Variants in MYO5A observed in about 807,000 individuals in gnomAD.
The protein encoded by MYO5A is myosin VA.
A neutral mutation model predicts 249.7 loss-of-function variants in MYO5A; 98 were observed. The observed-to-expected ratio is 0.39, with a 90% CI of 0.33 to 0.46. MYO5A has a LOEUF of 0.46. Ranked by LOEUF, MYO5A falls within the 20% of genes least tolerant of loss-of-function variation. MYO5A has a pLI of 0.98. For missense variants in MYO5A, 1,696 were observed against 2,308.8 expected, an observed-to-expected ratio of 0.73 and a Z score of 5.44; for synonymous variants, 778 against 810.6, an observed-to-expected ratio of 0.96 and a Z score of 0.68.
At chr15:52,338,671 A>T (rs1770618026) in intron 32 of MYO5A, among the ~76,000 whole-genome samples, 1 of 152,194 alleles carries the variant, frequency 6.6e-6, no homozygotes, top group Non-Finnish European at 1.5e-5. Flanking sequence ...CCCAAACTCA[A>T]ATTCATTAAC....
chr15:52,457,508 A>C (rs915939335), intron 1 of MYO5A, among the ~76,000 whole-genome samples: 1 of 152,184 alleles, frequency 6.6e-6, no homozygotes, highest in South Asian at 2.1e-4. Context: ...TATATGACAA[A>C]ATGCTCAACA....
At chr15:52,445,149 T>C (rs1314452883) in intron 1 of MYO5A, among the ~76,000 whole-genome samples, 1 of 152,198 alleles carries the variant, frequency 6.6e-6, no homozygotes, top group Non-Finnish European at 1.5e-5. Context: ...AGGTGAGGCC[T>C]GGTGGGAGGT....
At chr15:52,332,495 A>G (rs1157815412) in intron 34 of MYO5A, among the ~76,000 whole-genome samples, 1 of 152,272 alleles carries the variant, frequency 6.6e-6, no homozygotes, top group Admixed American at 6.5e-5. Context: ...TCTAACCAGG[A>G]TATTTTTGGT....
chr15:52,450,849 T>TG (rs60176045), intron 1 of MYO5A, among the ~76,000 whole-genome samples: 40,560 of 143,512 alleles, frequency 0.28, 7,290 homozygotes, highest in East Asian at 0.69. Flanking sequence ...TGTGGTTTTT[T>TG]TTTTTTTTTT....
rs529551880 is a variant in MYO5A at position 52,332,321 on chromosome 15, A to G, written c.4409-1822T>C. 2.6e-4 allele frequency among the ~76,000 whole-genome samples: 40 copies of G among 152,342 alleles called. No homozygotes were observed. In the South Asian group the frequency reaches 8.3e-3, roughly 32 times the overall value. Reference sequence around the variant, plus strand: ...CAGTATTTTATGTAACACTAAAAAAATTGCCAACTAAACTATAACCCATCA... The same window carrying G: ...CAGTATTTTATGTAACACTAAAAAAGTTGCCAACTAAACTATAACCCATCA... On this transcript the variant is annotated intron_variant, in intron 34 of 41. Coordinates refer to ENST00000399233, the MANE Select transcript of MYO5A (RefSeq NM_001382347.1).
rs1358350374 is a variant in MYO5A, at chr15:52,317,201, T to C, written c.5256A>G (p.Glu1752=). 6.2e-6 allele frequency: 10 copies of C among 1,614,048 alleles called. No individual in the cohort carries two copies. Among genetic ancestry groups the C allele is most frequent in the Non-Finnish European group, 8.5e-6 (10 of 1,180,014 alleles). ...TCAGATTCTTGTCACGCAGCCATTC[T>C]TCCAGTTGACTGACATTGTACCTAT... ...MQIRYNVSQL[E]EWLRDKNLMN... Residue 1752 remains glutamate, a synonymous_variant, in exon 40 of 42, where the codon GAA becomes GAG. Coordinates refer to ENST00000399233, the MANE Select transcript of MYO5A (RefSeq NM_001382347.1).
intron 24 of MYO5A, among the ~76,000 whole-genome samples, chr15:52,362,826 G>A (rs1044642795): frequency 2.6e-5 from 4 of 152,134 alleles, no homozygotes; most frequent in Admixed American, 6.5e-5. Flanking sequence ...CCACCTCCTC[G>A]ACTAAAGAGA....
chr15:52,339,076 C>T (rs1304082215), intron 32 of MYO5A, among the ~76,000 whole-genome samples: 2 of 152,110 alleles, frequency 1.3e-5, no homozygotes. Context: ...TTGGAAAGAG[C>T]CCACACACTG....
In MYO5A at chr15:52,313,755, C is replaced by T. The variant is rs745374294; in HGVS notation, c.5584G>A (p.Ala1862Thr). 2.3e-5 allele frequency: 37 copies of T among 1,613,826 alleles called. No individual in the cohort carries two copies. The highest frequency in any genetic ancestry group is 3.3e-5 in the South Asian group (3 of 91,078). ...VTFPFNPSSLALETIQIPASL... is the reference protein window; with the variant it reads ...VTFPFNPSSLTLETIQIPASL... ...GCTGGAATCTGGATGGTTTCTAGTGCGAGGGAAGATGGGTTGAAAGGAAAG... is the reference window on the plus strand; with the variant it reads ...GCTGGAATCTGGATGGTTTCTAGTGTGAGGGAAGATGGGTTGAAAGGAAAG... Residue 1862 changes from alanine to threonine, a missense_variant, in exon 42 of 42, where the codon GCA becomes ACA. Around this residue, in one of 5 missense-constraint regions of MYO5A, gnomAD observed 625 missense variants for 908.1 expected, o/e 0.69. Transcript: ENST00000399233.
intron 3 of MYO5A, among the ~76,000 whole-genome samples, chr15:52,427,104 T>C (rs1214751147): frequency 6.6e-6 from 1 of 152,090 alleles, no homozygotes; most frequent in Non-Finnish European, 1.5e-5. Context: ...TAATACTGGC[T>C]ATTTTTCAGT....
At chr15:52,336,268 C>A (rs185715360) in intron 34 of MYO5A, among the ~76,000 whole-genome samples, 195 bp downstream of exon 34, 2 of 152,238 alleles carry the variant, frequency 1.3e-5, no homozygotes, top group African/African-American at 4.8e-5. Context: ...TATTACTACC[C>A]ATGAAAAGAA....
At chr15:52,378,993 T>G (rs2141118652) in intron 18 of MYO5A, among the ~76,000 whole-genome samples, 1 of 152,312 alleles carries the variant, frequency 6.6e-6, no homozygotes, top group East Asian at 1.9e-4. Flanking sequence ...TCCTAACCAT[T>G]TCTCTACTGT....
At chr15:52,428,289 C>G (rs2075442142) in intron 3 of MYO5A, 109 bp downstream of exon 3, 1 of 1,169,026 alleles carries the variant, frequency 8.6e-7, no homozygotes, top group Non-Finnish European at 1.3e-6. Context: ...GATTTTGTCT[C>G]TTAGAGAAAA....
At chr15:52,420,943 G>C (rs1338160891) in intron 4 of MYO5A, among the ~76,000 whole-genome samples, 1 of 152,120 alleles carries the variant, frequency 6.6e-6, no homozygotes, top group East Asian at 1.9e-4. Context: ...ATATGGCCTG[G>C]ACAAGCTACT....
At chr15:52,422,835 G>C (rs1486062521) in intron 4 of MYO5A, among the ~76,000 whole-genome samples, 2 of 152,142 alleles carry the variant, frequency 1.3e-5, no homozygotes, top group African/African-American at 4.8e-5. Context: ...TCCCACCTCT[G>C]ACTCCTGAGT....
At chr15:52,378,566 TA>T (rs1311854362) in intron 18 of MYO5A, among the ~76,000 whole-genome samples, 1,229 of 68,326 alleles carry the variant, frequency 0.018, 13 homozygotes, top group African/African-American at 0.039. Context: ...AAGCCCCAGT[TA>T]AAAAAAAAAA....
At chr15:52,509,450 C>CA (rs989325420) in intron 1 of MYO5A, among the ~76,000 whole-genome samples, 5 of 152,000 alleles carry the variant, frequency 3.3e-5, no homozygotes, top group African/African-American at 1.2e-4. Context: ...AAAACAAAAA[C>CA]AAAAAAACTC....
chr15:52,391,851 T>C (rs1402429248), intron 12 of MYO5A, 79 bp downstream of exon 12: 5 of 1,433,354 alleles, frequency 3.5e-6, no homozygotes, highest in Non-Finnish European at 4.9e-6. Context: ...TACTAATGAA[T>C]CTCTCCTTGA....
intron 1 of MYO5A, among the ~76,000 whole-genome samples, chr15:52,474,338 G>A (rs1005643985): frequency 2.0e-5 from 3 of 152,144 alleles, no homozygotes; most frequent in African/African-American, 7.2e-5. Context: ...CTGCAAACAG[G>A]GACAATTTGA....
Sources: allele counts gnomAD v4.1 joint callset (sites outside exome capture counted in the v4.1 genomes callset), GRCh38; gene constraint gnomAD v4.1.1; regional missense constraint gnomAD v4.1.1; transcripts MANE v1.5; gene names NCBI Gene and HGNC (gene_info 2026-07-23, HGNC 2026-07-21).